RAD51B: variants seen among roughly 807,000 people sequenced by gnomAD.
RAD51B encodes DNA repair protein RAD51 homolog 2.
A neutral mutation model predicts 42.2 loss-of-function variants in RAD51B; 38 were observed. That is an observed-to-expected ratio of 0.90 (90% CI 0.70 to 1.18). The LOEUF (loss-of-function observed/expected upper bound fraction) is 1.18. Among genes scored for constraint, RAD51B ranks in the 50% most tolerant of loss-of-function variants. The probability of loss-of-function intolerance (pLI) is 0.00; values close to 1 mark genes in which losing one functional copy is unlikely to be tolerated. For synonymous variants in RAD51B, 154 were observed against 145.2 expected (o/e 1.06, Z -0.43); for missense variants, 373 against 400.7 (o/e 0.93, Z 0.59).
chr14:68,014,695 A>AAAATAAATAAATAAATAAATAAAT (rs199800534), intron 7 of RAD51B, among the ~76,000 whole-genome samples: 14 of 150,508 alleles, frequency 9.3e-5, no homozygotes, highest in African/African-American at 1.7e-4. Flanking sequence ...AGGATCAGTA[A>AAAATAAATAAATAAATAAATAAAT]AAATAAATAA....
chr14:68,247,535 G>T (rs2080525044), intron 7 of RAD51B, among the ~76,000 whole-genome samples: 2 of 152,188 alleles, frequency 1.3e-5, no homozygotes, highest in South Asian at 4.1e-4. Context: ...CTGCCCACAA[G>T]AAGGAAAGTT....
chr14:68,643,640 T>C (rs1892509076), intron 10 of RAD51B, among the ~76,000 whole-genome samples: 1 of 152,242 alleles, frequency 6.6e-6, no homozygotes, highest in African/African-American at 2.4e-5. Flanking sequence ...TGTTTTATCC[T>C]ACTCCTCTGA....
chr14:68,101,874 G>A (rs1476797137), intron 7 of RAD51B, among the ~76,000 whole-genome samples: 1 of 152,242 alleles, frequency 6.6e-6, no homozygotes, highest in Non-Finnish European at 1.5e-5. Context: ...CCTAGCAGAG[G>A]TTCTTTATGA....
intron 7 of RAD51B, among the ~76,000 whole-genome samples, chr14:67,913,593 C>T (rs2044057060): frequency 6.6e-6 from 1 of 152,020 alleles, no homozygotes; most frequent in African/African-American, 2.4e-5. Flanking sequence ...CTGCCACATA[C>T]CAGTTTTGCT....
intron 8 of RAD51B, among the ~76,000 whole-genome samples, chr14:68,390,624 G>A (rs1015432612): frequency 5.3e-5 from 8 of 152,250 alleles, no homozygotes; most frequent in Non-Finnish European, 8.8e-5. Context: ...AATATACTGT[G>A]GCTGGGAAAA....
chr14:68,205,157 AT>A (rs1227466447), intron 7 of RAD51B, among the ~76,000 whole-genome samples: 2 of 152,098 alleles, frequency 1.3e-5, no homozygotes, highest in African/African-American at 4.8e-5. Context: ...TCACTATTCA[AT>A]TTTTTTAAGT....
chr14:68,176,446 G>A (rs2078963996), intron 7 of RAD51B, among the ~76,000 whole-genome samples: 1 of 152,146 alleles, frequency 6.6e-6, no homozygotes, highest in Non-Finnish European at 1.5e-5. Flanking sequence ...ACATTCTAGT[G>A]CTGAAATAGT....
At chr14:68,122,475 C>T (rs1205258402) in intron 7 of RAD51B, among the ~76,000 whole-genome samples, 1 of 152,114 alleles carries the variant, frequency 6.6e-6, no homozygotes, top group African/African-American at 2.4e-5. Context: ...TCAGACTTCC[C>T]TCCTGATGAA....
At chr14:67,934,134 G>T (rs999994358) in intron 7 of RAD51B, among the ~76,000 whole-genome samples, 3 of 152,158 alleles carry the variant, frequency 2.0e-5, no homozygotes, top group Non-Finnish European at 4.4e-5. Flanking sequence ...TAACTTTCAT[G>T]TTTCCTGGTA....
chr14:68,542,963 T>A (rs1476607529), intron 10 of RAD51B, among the ~76,000 whole-genome samples: 1 of 152,236 alleles, frequency 6.6e-6, no homozygotes. Context: ...TCTTTTGTGC[T>A]TACTCTTCCA....
chr14:68,205,954 G>A (rs2079575951), intron 7 of RAD51B, among the ~76,000 whole-genome samples: 1 of 152,108 alleles, frequency 6.6e-6, no homozygotes, highest in Non-Finnish European at 1.5e-5. Flanking sequence ...AGTTTTGTCA[G>A]TTGGCTCAAA....
intron 10 of RAD51B, among the ~76,000 whole-genome samples, chr14:68,577,197 T>G (rs764128900): frequency 1.3e-5 from 2 of 152,098 alleles, no homozygotes; most frequent in Non-Finnish European, 2.9e-5. Context: ...TTACTGTAAC[T>G]CAAAAGGAGA....
chr14:67,847,254 C>G (rs1441342306), intron 4 of RAD51B, among the ~76,000 whole-genome samples: 1 of 151,872 alleles, frequency 6.6e-6, no homozygotes, highest in Admixed American at 6.6e-5. Context: ...TCTAGTTGGC[C>G]ATCTTGCCCC....
At chr14:67,961,070 G>A (rs1488589240) in intron 7 of RAD51B, among the ~76,000 whole-genome samples, 3 of 152,068 alleles carry the variant, frequency 2.0e-5, no homozygotes, top group East Asian at 1.9e-4. Flanking sequence ...GCAGTGGCAT[G>A]ATCATGGCTT....
At chr14:68,682,882 T>C in intron 11 of RAD51B, 1 of 928,892 alleles carries the variant, frequency 1.1e-6, no homozygotes, top group Non-Finnish European at 1.3e-6. Context: ...AGGCTTTTTT[T>C]TTTTTAATAA....
chr14:67,986,509 G>C (rs150175418), intron 7 of RAD51B, among the ~76,000 whole-genome samples: 2 of 152,060 alleles, frequency 1.3e-5, no homozygotes, highest in African/African-American at 4.8e-5. Flanking sequence ...TTGCAATAAC[G>C]TTTGACCTTT....
chr14:68,102,379 C>A (rs895689403), intron 7 of RAD51B, among the ~76,000 whole-genome samples: 1 of 152,142 alleles, frequency 6.6e-6, no homozygotes, highest in Non-Finnish European at 1.5e-5. Context: ...TGCTTTGCAT[C>A]CTTTTTAAAC....
intron 8 of RAD51B, among the ~76,000 whole-genome samples, chr14:68,388,767 G>A (rs1385807793): frequency 6.6e-6 from 1 of 152,162 alleles, no homozygotes; most frequent in African/African-American, 2.4e-5. Context: ...TTTCATGAAT[G>A]GAGCCCTGAT....
intron 7 of RAD51B, among the ~76,000 whole-genome samples, chr14:68,234,310 G>C (rs2080203216): frequency 6.6e-6 from 1 of 152,208 alleles, no homozygotes; most frequent in African/African-American, 2.4e-5. Flanking sequence ...GCACTAATGA[G>C]AAGAGACATT....
Sources: gnomAD v4.1 joint callset for allele counts (sites outside exome capture counted in the v4.1 genomes callset) on GRCh38, gnomAD v4.1.1 for gene constraint, MANE v1.5 for transcripts, NCBI Gene and HGNC (gene_info 2026-07-23, HGNC 2026-07-21) for gene names.